The following UBLCP1 variants were observed in gnomAD, a reference collection of about 807,000 sequenced individuals.
UBLCP1 encodes the protein ubiquitin like domain containing CTD phosphatase 1, also known as ubiquitin-like domain-containing CTD phosphatase 1.
A neutral mutation model predicts 42.4 loss-of-function variants in UBLCP1; 28 were observed. That is an observed-to-expected ratio of 0.66 (90% CI 0.49 to 0.90). The LOEUF (loss-of-function observed/expected upper bound fraction) is 0.90. Ranked by LOEUF, UBLCP1 falls within the 40% of genes least tolerant of loss-of-function variation. The pLI is 0.00. For missense variants in UBLCP1, 279 were observed against 374.5 expected (o/e 0.75, Z 2.10); for synonymous variants, 122 against 120.8 (o/e 1.01, Z -0.07).
At chr5:159,284,816 T>A (rs952812417) in intron 10 of UBLCP1, 88 bp from the exon 11 acceptor site, 2 of 1,378,948 alleles carry the variant, frequency 1.5e-6, no homozygotes, top group African/African-American at 2.9e-5. Flanking sequence ...GTTTTGTCAT[T>A]AGAACAAACT....
chr5:159,284,084 C>A (rs1243809913), intron 10 of UBLCP1, among the ~76,000 whole-genome samples: 2 of 152,134 alleles, frequency 1.3e-5, no homozygotes, highest in Non-Finnish European at 2.9e-5. Context: ...TCAGATTCCA[C>A]TTTTGACTTT....
At chr5:159,278,496 C>A in intron 9 of UBLCP1, 142 bp downstream of exon 9, 1 of 691,158 alleles carries the variant, frequency 1.4e-6, no homozygotes, top group Non-Finnish European at 2.6e-6. Flanking sequence ...AAGAATAATT[C>A]ATATAGAAAT....
chr5:159,276,022 T>C (rs1191755710), intron 8 of UBLCP1, among the ~76,000 whole-genome samples: 1 of 152,216 alleles, frequency 6.6e-6, no homozygotes. Context: ...ATTTTACTCA[T>C]CAAGTAACTA....
In UBLCP1 at chr5:159,285,191, T is replaced by TCCC. The variant is rs1753657725; in HGVS notation, c.*261_*263dup. 1.2e-4 allele frequency: 32 copies of TCCC among 258,412 alleles called. No homozygotes were observed. The highest frequency in any genetic ancestry group is 3.3e-4 in the African/African-American group (10 of 29,898). 16.0% of individuals were successfully genotyped at this position (258,412 alleles called of 1,614,324 possible). The stretch of plus-strand genomic sequence containing the variant: ...GCGTTGGTTACTGACCACCCCACCC[T>TCCC]CCCACCACACACACACACACACACA... On this transcript the variant is annotated 3_prime_UTR_variant, in exon 11 of 11. Coordinates refer to ENST00000296786, the MANE Select transcript of UBLCP1 (RefSeq NM_145049.5).
chr5:159,270,728 A>C lies in UBLCP1; in HGVS notation c.448+85A>C, dbSNP rs1584738357. 9 of 825,068 alleles carry C rather than the reference A, an allele frequency of 1.1e-5. No individual in the cohort carries two copies. The South Asian group carries it at 1.6e-4, about 15-fold the overall frequency. 51.1% of individuals were successfully genotyped at this position (825,068 alleles called of 1,614,324 possible). A position where few individuals can be genotyped will look rare whatever the true frequency, so the allele number is the denominator to read the frequency against. On this transcript the variant is annotated intron_variant, in intron 5 of 10. Transcript: ENST00000296786. ...TCTTTGTTTTTTTTTTTTCTTAGCA[A>C]CTCATGGTTCTCGTGAAATACTTGA...
At chr5:159,283,415 G>C in intron 10 of UBLCP1, 76 bp downstream of exon 10, 1 of 1,198,474 alleles carries the variant, frequency 8.3e-7, no homozygotes, top group Non-Finnish European at 1.2e-6. Flanking sequence ...AGTGACCCCA[G>C]TATATATATA....
rs189981895 is a variant in UBLCP1, at chr5:159,264,618, A to T, written c.-47+1258A>T. Among the ~76,000 whole-genome samples, 30 of 152,112 alleles carry T rather than the reference A, an allele frequency of 2.0e-4. 1 individual carries two copies. In the East Asian group the frequency reaches 5.8e-3, roughly 29 times the overall value. The stretch of plus-strand genomic sequence containing the variant: ...ATATAGAGCCCATGCCCTCTGGCAC[A>T]TTTTTTTTAAGGCTGAAAACATTGA... On this transcript the variant is annotated intron_variant, in intron 1 of 10. Transcript: ENST00000296786.
At chr5:159,270,071 A>G in intron 3 of UBLCP1, 72 bp downstream of exon 3, 2 of 1,282,450 alleles carry the variant, frequency 1.6e-6, no homozygotes, top group Non-Finnish European at 2.2e-6. Context: ...GTTGTATTAT[A>G]GTTTTAATTG....
chr5:159,278,136 A>G (rs1753560744), intron 8 of UBLCP1, 102 bp from the exon 9 acceptor site: 1 of 739,872 alleles, frequency 1.4e-6, no homozygotes, highest in Admixed American at 2.4e-5. Context: ...GGGGAAAGGA[A>G]CACTTTGGCA....
At position 159,268,884 on chromosome 5, in the gene UBLCP1, GA is replaced by G. The variant is rs556397181; in HGVS notation, c.-30del. ...TTCCTTTCCAGGTATTTTTTTTTCT[GA>G]AGGAAAGCTGCTTCCTCATATGTTT... On this transcript the variant is annotated 5_prime_UTR_variant, in exon 2 of 11. Coordinates refer to ENST00000296786, the MANE Select transcript of UBLCP1 (RefSeq NM_145049.5). The G allele has an allele frequency of 1.2e-3, 1,914 of 1,582,468 alleles. 5 individuals are homozygous for G. Among genetic ancestry groups the G allele is most frequent in the Middle Eastern group, 4.5e-3 (27 of 5,940 alleles).
Position 159,278,169 on chromosome 5 carries a change from G to A in UBLCP1, c.685-69G>A, listed in dbSNP as rs536845826. Reference sequence around the variant, plus strand: ...GCATTGTTCTGCAGGGCAGTTTGCAGTATTCCTGCTTTTAAGACAGGATGA... The same window carrying A: ...GCATTGTTCTGCAGGGCAGTTTGCAATATTCCTGCTTTTAAGACAGGATGA... On this transcript the variant is annotated intron_variant, in intron 8 of 10. Coordinates refer to ENST00000296786, the MANE Select transcript of UBLCP1 (RefSeq NM_145049.5). The A allele has an allele frequency of 7.3e-5, 80 of 1,099,402 alleles. No individual in the cohort carries two copies. The East Asian group carries it at 1.5e-3, about 21-fold the overall frequency. The allele number at this position is 1,099,402 out of a possible 1,614,324, so 68.1% of individuals were successfully genotyped here. A position where few individuals can be genotyped will look rare whatever the true frequency, so the allele number is the denominator to read the frequency against.
chr5:159,272,183 T>A (rs1753476526), intron 6 of UBLCP1, 62 bp downstream of exon 6: 6 of 1,303,676 alleles, frequency 4.6e-6, no homozygotes, highest in Admixed American at 1.9e-5. Flanking sequence ...ATTATTGTGC[T>A]GTATAAAATG....
chr5:159,270,301 G>C, intron 3 of UBLCP1, 59 bp from the exon 4 acceptor site: 10 of 1,303,804 alleles, frequency 7.7e-6, no homozygotes, highest in Non-Finnish European at 8.7e-6. Flanking sequence ...TTTATGCTAT[G>C]CATGTATTTG....
In UBLCP1 at chr5:159,285,274, T is replaced by C; in HGVS notation, c.*343T>C. 1 of 185,044 alleles carries C rather than the reference T, an allele frequency of 5.4e-6. No individual in the cohort carries two copies. Among genetic ancestry groups the C allele is most frequent in the Non-Finnish European group, 1.1e-5 (1 of 93,264 alleles). The allele number at this position is 185,044 out of a possible 1,614,324, so 11.5% of individuals were successfully genotyped here. A position where few individuals can be genotyped will look rare whatever the true frequency, so the allele number is the denominator to read the frequency against. ...GGAGAAAAATGTATACTCAACAATG[T>C]CATTTTGTGACTTTGGAAACAAGTT... On this transcript the variant is annotated 3_prime_UTR_variant, in exon 11 of 11. Coordinates refer to ENST00000296786, the MANE Select transcript of UBLCP1 (RefSeq NM_145049.5).
At chr5:159,264,858 T>G (rs1753365961) in intron 1 of UBLCP1, among the ~76,000 whole-genome samples, 1 of 152,238 alleles carries the variant, frequency 6.6e-6, no homozygotes, top group South Asian at 2.1e-4. Flanking sequence ...CACCTGGAAC[T>G]CAGATGATTT....
At chr5:159,264,682 C>T (rs1386356718) in intron 1 of UBLCP1, among the ~76,000 whole-genome samples, 1 of 152,200 alleles carries the variant, frequency 6.6e-6, no homozygotes, top group East Asian at 1.9e-4. Flanking sequence ...GAGCATTCAT[C>T]AGAGGTGAGG....
At chr5:159,266,587 C>T (rs913327676) in intron 1 of UBLCP1, among the ~76,000 whole-genome samples, 10 of 152,180 alleles carry the variant, frequency 6.6e-5, no homozygotes, top group African/African-American at 1.9e-4. Context: ...AATGTTAATC[C>T]CCTAGACCGT....
At chr5:159,284,045 T>G (rs1030057850) in intron 10 of UBLCP1, among the ~76,000 whole-genome samples, 2 of 152,142 alleles carry the variant, frequency 1.3e-5, no homozygotes, top group African/African-American at 4.8e-5. Flanking sequence ...CAAAAGAAAC[T>G]ATTTGTGTAA....
rs1476131487 is a variant in UBLCP1 at position 159,270,345 on chromosome 5, T to A, written c.247-15T>A. 21 of 1,603,424 alleles carry A rather than the reference T, an allele frequency of 1.3e-5. No homozygotes were observed. The highest frequency in any genetic ancestry group is 1.6e-5 in the Non-Finnish European group (19 of 1,173,150). The stretch of plus-strand genomic sequence containing the variant: ...AGGATAATATGGTAGAACAAAACTT[T>A]TTCCATCTTAATAGGAAGATGTCTT... On this transcript the variant is annotated splice_polypyrimidine_tract_variant and intron_variant, in intron 3 of 10. Coordinates refer to ENST00000296786, the MANE Select transcript of UBLCP1 (RefSeq NM_145049.5).
Sources: allele counts gnomAD v4.1 joint callset (sites outside exome capture counted in the v4.1 genomes callset), GRCh38; gene constraint gnomAD v4.1.1; transcripts MANE v1.5; gene names NCBI Gene and HGNC (gene_info 2026-07-23, HGNC 2026-07-21).